JAKMIP3: variants seen among roughly 807,000 people sequenced by gnomAD.
The protein encoded by JAKMIP3 is Janus kinase and microtubule interacting protein 3, also known as janus kinase and microtubule-interacting protein 3.
Under a neutral mutation model 118.5 loss-of-function variants are expected in JAKMIP3, and 58 were observed. The observed-to-expected ratio is 0.49, with a 90% CI of 0.40 to 0.61. The LOEUF (loss-of-function observed/expected upper bound fraction) is 0.61, where lower values mean the gene tolerates loss of function less well. JAKMIP3 is among the 20% of genes least tolerant of loss of function. JAKMIP3 has a pLI of 0.00. For synonymous variants in JAKMIP3, 486 were observed against 451.2 expected (o/e 1.08, Z -0.98); for missense variants, 950 against 1,109.0 (o/e 0.86, Z 2.04).
chr10:132,162,641 G>A (rs557712132), intron 19 of JAKMIP3, among the ~76,000 whole-genome samples: 4 of 152,208 alleles, frequency 2.6e-5, no homozygotes, highest in Non-Finnish European at 5.9e-5. Flanking sequence ...GGAAGAAAGA[G>A]CCTCTGTAGT....
intron 1 of JAKMIP3, among the ~76,000 whole-genome samples, chr10:132,066,484 G>C (rs2038797850): frequency 6.6e-6 from 1 of 152,204 alleles, no homozygotes; most frequent in Admixed American, 6.5e-5. Context: ...GCACAGCCCG[G>C]GAGGCCTGCG....
rs537049786 is a variant in JAKMIP3 at position 132,087,330 on chromosome 10, A to G, written c.-137-17342A>G. Among the ~76,000 whole-genome samples, 141 of 151,446 alleles carry G rather than the reference A, an allele frequency of 9.3e-4. 1 individual carries two copies. The highest frequency in any genetic ancestry group is 1.5e-3 in the Non-Finnish European group (104 of 68,018). On this transcript the variant is annotated intron_variant, in intron 1 of 23. Coordinates refer to ENST00000684848, the MANE Select transcript of JAKMIP3 (RefSeq NM_001323087.2). ...CTTAACTTTAGATAACCTGATGACA[A>G]TGTGCCTAGGCGATGATCTTTTGGG...
chr10:132,043,075 CAG>C lies in JAKMIP3; in HGVS notation c.-138+6340_-138+6341del, dbSNP rs748414504. 2.6e-5 allele frequency among the ~76,000 whole-genome samples: 4 copies of C among 152,226 alleles called. No individual in the cohort carries two copies. The East Asian group carries it at 7.7e-4, about 29-fold the overall frequency. On this transcript the variant is annotated intron_variant, in intron 1 of 23. Coordinates refer to the JAKMIP3 transcript ENST00000657785. ...CACCACTGCACTCCAGCCTGGGCAA[CAG>C]AGCAAGATCCTCTCTCAAAAACACA...
intron 3 of JAKMIP3, among the ~76,000 whole-genome samples, chr10:132,124,235 C>T (rs1347386753): frequency 6.6e-6 from 1 of 152,244 alleles, no homozygotes; most frequent in Admixed American, 6.5e-5. Context: ...CGCCCCGGTG[C>T]GTCACAGCCG....
intron 2 of JAKMIP3, among the ~76,000 whole-genome samples, chr10:132,107,083 C>G (rs1198554749): frequency 6.7e-6 from 1 of 149,786 alleles, no homozygotes; most frequent in Non-Finnish European, 1.5e-5. Context: ...TTTGTAGAGA[C>G]TGGGTCTCGC....
At chr10:132,160,135 G>T (rs1309262904) in intron 19 of JAKMIP3, among the ~76,000 whole-genome samples, 17 of 57,178 alleles carry the variant, frequency 3.0e-4, no homozygotes, top group African/African-American at 8.4e-4. Context: ...TGATGCTGGG[G>T]GGGGTCTCTT....
At chr10:132,167,123 GCCCT>G in intron 22 of JAKMIP3, 68 bp downstream of exon 22, 10 of 1,106,270 alleles carry the variant, frequency 9.0e-6, no homozygotes, top group Admixed American at 2.2e-5. Context: ...CTCTGCCCCT[GCCCT>G]GCCAGGGAGT....
intron 1 of JAKMIP3, among the ~76,000 whole-genome samples, chr10:132,059,428 C>T (rs529818662): frequency 4.5e-4 from 69 of 152,354 alleles, no homozygotes; most frequent in African/African-American, 1.4e-3. Context: ...AGGGTGAAAA[C>T]GCCCAAGTTT....
intron 1 of JAKMIP3, among the ~76,000 whole-genome samples, chr10:132,084,550 T>C (rs1465487714): frequency 2.0e-5 from 3 of 152,300 alleles, no homozygotes; most frequent in East Asian, 3.9e-4. Flanking sequence ...GTCTGATTGC[T>C]CTGGCTGGGA....
chr10:132,169,754 G>C (rs1390537276), intron 23 of JAKMIP3: 2 of 152,328 alleles, frequency 1.3e-5, no homozygotes, highest in Non-Finnish European at 2.9e-5. Flanking sequence ...TGTTGTTCCC[G>C]GGAGATGCTC....
chr10:132,097,050 A>G (rs999135398), intron 1 of JAKMIP3, among the ~76,000 whole-genome samples: 4 of 152,224 alleles, frequency 2.6e-5, no homozygotes, highest in Admixed American at 6.5e-5. Flanking sequence ...GTGCTAGGGA[A>G]ATGCAGACAG....
At chr10:132,164,618 G>A in intron 20 of JAKMIP3, 52 bp from the exon 21 acceptor site, 2 of 1,172,086 alleles carry the variant, frequency 1.7e-6, no homozygotes, top group Non-Finnish European at 2.5e-6. Context: ...GAAGGATTTG[G>A]GTTTCCCGAG....
intron 2 of JAKMIP3, 52 bp downstream of exon 2, chr10:132,104,995 C>T: frequency 6.5e-7 from 1 of 1,547,404 alleles, no homozygotes; most frequent in Non-Finnish European, 8.7e-7. Context: ...CCTGCCTCCC[C>T]TGGGGCCCAG....
chr10:132,116,552 G>A (rs1252863218), intron 2 of JAKMIP3, among the ~76,000 whole-genome samples: 9 of 97,502 alleles, frequency 9.2e-5, no homozygotes, highest in South Asian at 4.4e-4. Flanking sequence ...ACATTCAGAT[G>A]TGTGAGTGTG....
At chr10:132,175,693 A>G (rs2060079860) in intron 23 of JAKMIP3, among the ~76,000 whole-genome samples, 1 of 152,142 alleles carries the variant, frequency 6.6e-6, no homozygotes, top group African/African-American at 2.4e-5. Context: ...TGGGTCACAG[A>G]CTGCCGCCTC....
intron 1 of JAKMIP3, among the ~76,000 whole-genome samples, chr10:132,059,300 T>A (rs1046407516): frequency 5.9e-5 from 9 of 152,238 alleles, no homozygotes; most frequent in African/African-American, 2.2e-4. Context: ...CTGGACCCTG[T>A]GCCTGCCAGG....
chr10:132,107,777 G>A (rs113747333), intron 2 of JAKMIP3, among the ~76,000 whole-genome samples: 3,021 of 152,318 alleles, frequency 0.02, 98 homozygotes, highest in African/African-American at 0.069. Flanking sequence ...TGGGCCTGTC[G>A]ACGGCATCCA....
At chr10:132,071,137 C>T (rs2039766163) in intron 1 of JAKMIP3, among the ~76,000 whole-genome samples, 1 of 149,756 alleles carries the variant, frequency 6.7e-6, no homozygotes, top group Non-Finnish European at 1.5e-5. Flanking sequence ...ATGATTTCTT[C>T]TTTCACCTAT....
At chr10:132,180,646 C>T (rs1003145208) in intron 23 of JAKMIP3, among the ~76,000 whole-genome samples, 365 of 8,304 alleles carry the variant, frequency 0.044, 57 homozygotes, top group Admixed American at 0.21. Flanking sequence ...TGCGTGTGTG[C>T]GTGTGCGTGT....
Sources: gnomAD v4.1 joint callset for allele counts (sites outside exome capture counted in the v4.1 genomes callset) on GRCh38, gnomAD v4.1.1 for gene constraint, MANE v1.5 for transcripts, NCBI Gene and HGNC (gene_info 2026-07-23, HGNC 2026-07-21) for gene names.